Variants in FKBP15 observed in about 807,000 individuals in gnomAD.
FKBP15 encodes the protein FKBP prolyl isomerase family member 15.
A neutral mutation model predicts 158.1 loss-of-function variants in FKBP15; 106 were observed. The observed-to-expected ratio is 0.67, with a 90% CI of 0.57 to 0.79. FKBP15 has a LOEUF of 0.79. FKBP15 is among the 30% of genes least tolerant of loss of function. FKBP15 has a pLI of 0.00. For synonymous variants in FKBP15, 547 were observed against 548.6 expected, an observed-to-expected ratio of 1.00 and a Z score of 0.04; for missense variants, 1,287 against 1,479.1, an observed-to-expected ratio of 0.87 and a Z score of 2.13.
intron 1 of FKBP15, among the ~76,000 whole-genome samples, chr9:113,217,806 A>G (rs550041943): frequency 6.6e-6 from 1 of 152,268 alleles, no homozygotes; most frequent in African/African-American, 2.4e-5. Flanking sequence ...GCACCAGTGC[A>G]CTCCAGCCTG....
At chr9:113,182,961 T>C in intron 18 of FKBP15, 93 bp from the exon 19 acceptor site, 1 of 1,007,760 alleles carries the variant, frequency 9.9e-7, no homozygotes, top group Non-Finnish European at 1.6e-6. Flanking sequence ...ACAACATTGC[T>C]GCTCTATACC....
intron 24 of FKBP15, among the ~76,000 whole-genome samples, chr9:113,171,071 C>T (rs1160330958): frequency 6.6e-6 from 1 of 152,212 alleles, no homozygotes; most frequent in Non-Finnish European, 1.5e-5. Flanking sequence ...TTGGGTTTGC[C>T]ACTTAATATG....
In FKBP15 at chr9:113,162,378, C is replaced by G. The variant is rs2118839654; in HGVS notation, c.*3700G>C. Reference sequence around the variant, plus strand: ...AGGAACTGATAATGTCACCTAAGACCATGCTTTTTCTTTCCATTGTCATAC... The same window carrying G: ...AGGAACTGATAATGTCACCTAAGACGATGCTTTTTCTTTCCATTGTCATAC... On this transcript the variant is annotated 3_prime_UTR_variant, in exon 28 of 28. Transcript: ENST00000238256. 4.7e-6 allele frequency: 1 copy of G among 215,016 alleles called. No homozygotes were observed. The highest frequency in any genetic ancestry group is 1.6e-4 in the East Asian group (1 of 6,326). The allele number at this position is 215,016 out of a possible 1,614,324, so 13.3% of individuals were successfully genotyped here.
intron 24 of FKBP15, 55 bp downstream of exon 24, chr9:113,171,526 T>C (rs200855909): frequency 6.3e-7 from 1 of 1,579,042 alleles, no homozygotes; most frequent in Non-Finnish European, 8.6e-7. Flanking sequence ...CTGGCCATGT[T>C]CTTTCTGAAT....
At chr9:113,200,500 A>G (rs1320799431) in intron 6 of FKBP15, among the ~76,000 whole-genome samples, 2 of 152,236 alleles carry the variant, frequency 1.3e-5, no homozygotes, top group Non-Finnish European at 2.9e-5. Flanking sequence ...CCACATCAAT[A>G]CTATCTACAG....
intron 4 of FKBP15, among the ~76,000 whole-genome samples, chr9:113,203,312 C>T (rs947925604): frequency 6.6e-6 from 1 of 152,064 alleles, no homozygotes; most frequent in Non-Finnish European, 1.5e-5. Flanking sequence ...CTAAGAGTGG[C>T]TGGTTGTGTA....
At position 113,168,546 on chromosome 9, in the gene FKBP15, C is replaced by T. The variant is rs753347033; in HGVS notation, c.3496G>A (p.Asp1166Asn). The change falls in exon 27 of 28, where the codon GAT becomes AAT. Residue 1166 changes from aspartate to asparagine, a missense_variant. Transcript: ENST00000238256. ...CCTTTAAACAGTTCATCCTCTTCAT[C>T]CCCAGAGAGACTGAAGGAAAATCAA... ...HHSQRSSLSG[D>N]EEDELFKGAT... The T allele has an allele frequency of 3.1e-6, 5 of 1,613,634 alleles. No homozygotes were observed. Among genetic ancestry groups the T allele is most frequent in the East Asian group, 4.5e-5 (2 of 44,888 alleles).
At chr9:113,200,723 A>G (rs1332058945) in intron 6 of FKBP15, among the ~76,000 whole-genome samples, 1 of 152,140 alleles carries the variant, frequency 6.6e-6, no homozygotes, top group Non-Finnish European at 1.5e-5. Flanking sequence ...CATAGTATCC[A>G]TTAGGAACTT....
intron 14 of FKBP15, 165 bp from the exon 15 acceptor site, chr9:113,186,528 C>A: frequency 1.7e-6 from 1 of 599,398 alleles, no homozygotes. Context: ...AGGACTGCAG[C>A]AGGAGAGTTA....
Position 113,168,542 on chromosome 9 carries a change from T to C in FKBP15, c.3500A>G (p.Glu1167Gly), listed in dbSNP as rs1830137007. ...TGCCCCTTTAAACAGTTCATCCTCT[T>C]CATCCCCAGAGAGACTGAAGGAAAA... ...HSQRSSLSGDEEDELFKGATL... is the reference protein window; with the variant it reads ...HSQRSSLSGDGEDELFKGATL... Residue 1167 changes from glutamate (E) to glycine (G), a missense_variant, in exon 27 of 28, where the codon GAA becomes GGA. Physicochemically the swap from Glu to Gly is moderately conservative, Grantham distance 98. Coordinates refer to ENST00000238256, the MANE Select transcript of FKBP15 (RefSeq NM_015258.2). The C allele has an allele frequency of 6.2e-7, 1 of 1,613,880 alleles. No homozygotes were observed.
In FKBP15 at chr9:113,202,392, A is replaced by C. The variant is rs150191320; in HGVS notation, c.498+139T>G. ...TTCCTGAAATCATACAATAGGCCGA[A>C]GTGGCAAATTTAGTGGGTTTTTTAT... On this transcript the variant is annotated intron_variant, in intron 6 of 27. Coordinates refer to ENST00000238256, the MANE Select transcript of FKBP15 (RefSeq NM_015258.2). The C allele has an allele frequency of 9.5e-6, 5 of 527,672 alleles. No homozygotes were observed. In the East Asian group the frequency reaches 1.5e-4, roughly 16 times the overall value. The allele number at this position is 527,672 out of a possible 1,614,324, so 32.7% of individuals were successfully genotyped here. A position where few individuals can be genotyped will look rare whatever the true frequency, so the allele number is the denominator to read the frequency against.
Position 113,163,043 on chromosome 9 carries a change from T to G in FKBP15, c.*3035A>C. The G allele has an allele frequency of 3.1e-6, 3 of 971,162 alleles. 1 individual carries two copies. Among genetic ancestry groups the G allele is most frequent in the East Asian group, 6.0e-5 (2 of 33,606 alleles). 60.2% of individuals were successfully genotyped at this position (971,162 alleles called of 1,614,324 possible). A position where few individuals can be genotyped will look rare whatever the true frequency, so the allele number is the denominator to read the frequency against. The stretch of plus-strand genomic sequence containing the variant: ...ACCTTATTCCCAGCCCCTGGAAACT[T>G]TGAGCTGAAGCCAGCACTTGCTCCC... On this transcript the variant is annotated 3_prime_UTR_variant, in exon 28 of 28. Coordinates refer to ENST00000238256, the MANE Select transcript of FKBP15 (RefSeq NM_015258.2).
intron 12 of FKBP15, among the ~76,000 whole-genome samples, chr9:113,188,840 C>G (rs781034420): frequency 1.3e-5 from 2 of 152,172 alleles, no homozygotes; most frequent in Admixed American, 6.5e-5. Context: ...CAAATCTAAT[C>G]TATTCCCACA....
At chr9:113,193,468 C>A (rs757657432) in intron 11 of FKBP15, 24 bp downstream of exon 11, 3 of 1,567,894 alleles carry the variant, frequency 1.9e-6, no homozygotes, top group Non-Finnish European at 1.7e-6. Context: ...AACCACCATG[C>A]CTGGCCAAGA....
chr9:113,219,942 G>T (rs1437217117), intron 1 of FKBP15, among the ~76,000 whole-genome samples: 2 of 152,236 alleles, frequency 1.3e-5, no homozygotes, highest in East Asian at 3.8e-4. Context: ...ACAGAGTGGT[G>T]AGAGTGAAAA....
intron 21 of FKBP15, among the ~76,000 whole-genome samples, 172 bp from the exon 22 acceptor site, chr9:113,174,755 A>G (rs1830272901): frequency 6.6e-6 from 1 of 152,202 alleles, no homozygotes; most frequent in Non-Finnish European, 1.5e-5. Context: ...GGGTGAGGAA[A>G]ATGGTGACAG....
intron 8 of FKBP15, among the ~76,000 whole-genome samples, chr9:113,197,634 A>T (rs924402018): frequency 9.9e-5 from 15 of 152,110 alleles, no homozygotes; most frequent in Admixed American, 8.5e-4. Flanking sequence ...GTGCCACTGC[A>T]CTCCAGCCTG....
Position 113,168,383 on chromosome 9 carries a change from T to C in FKBP15, c.3582+77A>G. The stretch of plus-strand genomic sequence containing the variant: ...GGGAGTGGGCCACCAACAGGCTCCA[T>C]TTCTCTTCTCAGAGCCAGTAGGGAA... On this transcript the variant is annotated intron_variant, in intron 27 of 27. Coordinates refer to ENST00000238256, the MANE Select transcript of FKBP15 (RefSeq NM_015258.2). The C allele has an allele frequency of 2.4e-6, 3 of 1,241,660 alleles. No homozygotes were observed. The South Asian group carries it at 3.7e-5, about 15-fold the overall frequency. 76.9% of individuals were successfully genotyped at this position (1,241,660 alleles called of 1,614,324 possible).
chr9:113,161,139 T>C lies in FKBP15; in HGVS notation c.*4939A>G, dbSNP rs1830005679. The C allele has an allele frequency of 5.1e-6, 1 of 196,026 alleles. No individual in the cohort carries two copies. The highest frequency in any genetic ancestry group is 2.4e-5 in the African/African-American group (1 of 42,230). 12.1% of individuals were successfully genotyped at this position (196,026 alleles called of 1,614,324 possible). A position where few individuals can be genotyped will look rare whatever the true frequency, so the allele number is the denominator to read the frequency against. On this transcript the variant is annotated 3_prime_UTR_variant, in exon 28 of 28. Transcript: ENST00000238256. ...TTTGCTGAGATAACTATTACTCTTGTGCTATTTATCTTTCCTTCCAGACAT... is the reference window on the plus strand; with the variant it reads ...TTTGCTGAGATAACTATTACTCTTGCGCTATTTATCTTTCCTTCCAGACAT...
Sources: allele counts gnomAD v4.1 joint callset (sites outside exome capture counted in the v4.1 genomes callset), GRCh38; gene constraint gnomAD v4.1.1; transcripts MANE v1.5; gene names NCBI Gene and HGNC (gene_info 2026-07-23, HGNC 2026-07-21).